Variants in MSH5 observed in about 807,000 individuals in gnomAD.
MSH5 encodes the protein mutS protein homolog 5.
A neutral mutation model predicts 107.7 loss-of-function variants in MSH5; 78 were observed. That is an observed-to-expected ratio of 0.72 (90% CI 0.60 to 0.87). MSH5 has a LOEUF of 0.87. Among genes scored for constraint, MSH5 ranks in the 40% least tolerant of loss-of-function variants. MSH5 has a pLI of 0.00. For missense variants in MSH5, 889 were observed against 1,046.6 expected (o/e 0.85, Z 2.08); for synonymous variants, 326 against 399.5 (o/e 0.82, Z 2.19).
At chr6:31,754,757 T>C (rs1160972728) in intron 12 of MSH5, among the ~76,000 whole-genome samples, 3 of 149,574 alleles carry the variant, frequency 2.0e-5, no homozygotes, top group South Asian at 2.1e-4. Context: ...TTTTTTCTTT[T>C]TTTTTTTTTT....
In MSH5 at chr6:31,762,596, C is replaced by G. The variant is rs1440395815; in HGVS notation, c.*65C>G. 1 of 954,920 alleles carries G rather than the reference C, an allele frequency of 1.0e-6. No homozygotes were observed. 59.2% of individuals were successfully genotyped at this position (954,920 alleles called of 1,614,324 possible). ...GTGGGCTGCCATGCCCTCTTTGTTTCCTTATCTCCCTCAGACGCAGAGTTT... is the reference window on the plus strand; with the variant it reads ...GTGGGCTGCCATGCCCTCTTTGTTTGCTTATCTCCCTCAGACGCAGAGTTT... On this transcript the variant is annotated 3_prime_UTR_variant, in exon 25 of 25. Coordinates refer to ENST00000375750, the MANE Select transcript of MSH5 (RefSeq NM_172166.4).
intron 5 of MSH5, 112 bp from the exon 6 acceptor site, chr6:31,743,792 T>G: frequency 6.8e-7 from 1 of 1,470,714 alleles, no homozygotes; most frequent in African/African-American, 1.4e-5. Flanking sequence ...TAACTGCCTG[T>G]GTGAGCTTGG....
chr6:31,740,256 G>T lies in MSH5; in HGVS notation c.-14+194G>T. On this transcript the variant is annotated intron_variant, in intron 1 of 24. Coordinates refer to ENST00000375750, the MANE Select transcript of MSH5 (RefSeq NM_172166.4). This position sits in a 1 kb window ranked among gnomAD's most constrained non-coding sequence, Gnocchi z 4.4. ...CGTGACAGGAATGAGGGTGGGGCGC[G>T]TGGAGTTTCCCACAATCTGTACTTT... 1 of 520,224 alleles carries T rather than the reference G, an allele frequency of 1.9e-6. No individual in the cohort carries two copies. The allele number at this position is 520,224 out of a possible 1,614,324, so 32.2% of individuals were successfully genotyped here.
chr6:31,758,500 A>G lies in MSH5; in HGVS notation c.1144-48A>G. 2 of 1,602,848 alleles carry G rather than the reference A, an allele frequency of 1.2e-6. No individual in the cohort carries two copies. The highest frequency in any genetic ancestry group is 1.7e-6 in the Non-Finnish European group (2 of 1,170,966). ...ATTGGGGCCCAAGGAGAGCTGAGGA[A>G]CAGGACAGAGGGTGCCAGGTCCTAA... On this transcript the variant is annotated intron_variant, in intron 13 of 24. Transcript: ENST00000375750. The surrounding 1 kb of genome is among the most constrained non-coding windows in gnomAD (Gnocchi z 5.1).
intron 10 of MSH5, among the ~76,000 whole-genome samples, chr6:31,750,190 G>A (rs1809822643): frequency 6.6e-6 from 1 of 152,170 alleles, no homozygotes; most frequent in South Asian, 2.1e-4. Flanking sequence ...ATGAACTAAG[G>A]ACAGGTGACA....
rs28381347 is a variant in MSH5, at chr6:31,740,972, G to GA, written c.148-181dup. Reference sequence around the variant, plus strand: ...CAAGACTCCGTCTCAAAGAAAGAAAGAAAAAAAAAACAGGGTTGGGAAGAG... The same window carrying GA: ...CAAGACTCCGTCTCAAAGAAAGAAAGAAAAAAAAAAACAGGGTTGGGAAGAG... On this transcript the variant is annotated intron_variant, in intron 2 of 24. Transcript: ENST00000375750. This position sits in a 1 kb window ranked among gnomAD's most constrained non-coding sequence, Gnocchi z 4.4. Among the ~76,000 whole-genome samples, 27 of 145,088 alleles carry GA rather than the reference G, an allele frequency of 1.9e-4. No individual in the cohort carries two copies. The highest frequency in any genetic ancestry group is 2.8e-4 in the African/African-American group (11 of 39,674).
Position 31,760,953 on chromosome 6 carries a change from G to T in MSH5, c.1962+114G>T, listed in dbSNP as rs563249151. On this transcript the variant is annotated intron_variant, in intron 20 of 24. Transcript: ENST00000375750. This position sits in a 1 kb window ranked among gnomAD's most constrained non-coding sequence, Gnocchi z 5.6. ...CTGCTGCATGCCCTTTATACTAAAA[G>T]TGGGGAGCACTAAGGTCAGAGATAA... 7.8e-7 allele frequency: 1 copy of T among 1,276,352 alleles called. No homozygotes were observed. Among genetic ancestry groups the T allele is most frequent in the South Asian group, 1.5e-5 (1 of 67,774 alleles). The allele number at this position is 1,276,352 out of a possible 1,614,324, so 79.1% of individuals were successfully genotyped here. A position where few individuals can be genotyped will look rare whatever the true frequency, so the allele number is the denominator to read the frequency against.
intron 5 of MSH5, 51 bp downstream of exon 5, chr6:31,743,221 T>C (rs1430558199): frequency 1.9e-6 from 3 of 1,577,802 alleles, no homozygotes; most frequent in Non-Finnish European, 2.6e-6. Flanking sequence ...TGTCCCATTC[T>C]TTCCCCCAAC....
rs2151329119 is a variant in MSH5 at position 31,740,434 on chromosome 6, C to T, written c.-13-20C>T. ...TGTGAATCGTTGCTTCCGAACCGCC[C>T]TCACTTTTTGCATCCGCAGAGCCTC... is the stretch of plus-strand genomic sequence containing the variant. On this transcript the variant is annotated intron_variant, in intron 1 of 24. Transcript: ENST00000375750. This position sits in a 1 kb window ranked among gnomAD's most constrained non-coding sequence, Gnocchi z 4.4. 6.5e-7 allele frequency: 1 copy of T among 1,546,364 alleles called. No individual in the cohort carries two copies. Among genetic ancestry groups the T allele is most frequent in the East Asian group, 2.5e-5 (1 of 40,390 alleles).
rs1272706874 is a variant in MSH5 at position 31,741,368 on chromosome 6, CACACACACACACACAT to C, written c.271+84_271+99del. ...ACACACACACACACACACACACACA[CACACACACACACACAT>C]ATTTTTTTTTTCTAGACAGAGTCTT... On this transcript the variant is annotated intron_variant, in intron 3 of 24. Coordinates refer to ENST00000375750, the MANE Select transcript of MSH5 (RefSeq NM_172166.4). 1,007 of 1,151,200 alleles carry C rather than the reference CACACACACACACACAT, an allele frequency of 8.7e-4. 7 individuals are homozygous for C. Among genetic ancestry groups the C allele is most frequent in the Middle Eastern group, 2.8e-3 (10 of 3,514 alleles). 71.3% of individuals were successfully genotyped at this position (1,151,200 alleles called of 1,614,324 possible).
rs983738234 is a variant in MSH5 at position 31,753,645 on chromosome 6, T to C, written c.1014+16T>C. Reference sequence around the variant, plus strand: ...TCTCTACAAGGTAAGGCCTTCCTTCTTGAATCCCAAAAGTCCAGGTAAAGG... The same window carrying C: ...TCTCTACAAGGTAAGGCCTTCCTTCCTGAATCCCAAAAGTCCAGGTAAAGG... On this transcript the variant is annotated intron_variant, in intron 12 of 24. Coordinates refer to ENST00000375750, the MANE Select transcript of MSH5 (RefSeq NM_172166.4). 1 of 1,613,798 alleles carries C rather than the reference T, an allele frequency of 6.2e-7. No individual in the cohort carries two copies. The highest frequency in any genetic ancestry group is 8.5e-7 in the Non-Finnish European group (1 of 1,179,722).
chr6:31,759,621 C>T lies in MSH5; in HGVS notation c.1495+109C>T. The T allele has an allele frequency of 7.4e-7, 1 of 1,357,656 alleles. No individual in the cohort carries two copies. The highest frequency in any genetic ancestry group is 1.9e-5 in the Admixed American group (1 of 53,232). 84.1% of individuals were successfully genotyped at this position (1,357,656 alleles called of 1,614,324 possible). Reference sequence around the variant, plus strand: ...GGGATGCTTCCAACAGGCCCCTCCTCTTCCTGCTCTCTGTCTCGCTCACTC... The same window carrying T: ...GGGATGCTTCCAACAGGCCCCTCCTTTTCCTGCTCTCTGTCTCGCTCACTC... On this transcript the variant is annotated intron_variant, in intron 17 of 24. Transcript: ENST00000375750. The surrounding 1 kb of genome is among the most constrained non-coding windows in gnomAD (Gnocchi z 4.7).
chr6:31,744,513 A>T, intron 7 of MSH5, 33 bp from the exon 8 acceptor site: 1 of 1,613,304 alleles, frequency 6.2e-7, no homozygotes, highest in Non-Finnish European at 8.5e-7. Flanking sequence ...ACGAACTCAG[A>T]CTGCTTCCTG....
In MSH5 at chr6:31,760,095, C is replaced by G; in HGVS notation, c.1691C>G (p.Pro564Arg). Residue 564 changes from proline to arginine, a missense_variant, in exon 19 of 25, where the codon CCT becomes CGT. By Grantham distance (103) the Pro-to-Arg change is moderately radical (BLOSUM62 -2). Transcript: ENST00000375750. This position sits in a 1 kb window ranked among gnomAD's most constrained non-coding sequence, Gnocchi z 5.6. ...TGCCTCTCCGCCCACTGCAGACATC[C>G]TCTGATGGAACTCTGTGCCCGAACC... Reference protein sequence around the residue: ...LGVRIQNGRHPLMELCARTFV... With the variant: ...LGVRIQNGRHRLMELCARTFV... The G allele has an allele frequency of 6.2e-7, 1 of 1,602,246 alleles. No homozygotes were observed. Among genetic ancestry groups the G allele is most frequent in the Non-Finnish European group, 8.5e-7 (1 of 1,173,522 alleles).
rs905802073 is a variant in MSH5 at position 31,760,394 on chromosome 6, G to T, written c.1812+178G>T. ...TCACATGTTCTTATTCTCCACTGGA[G>T]AGCCATGCTCTAATGGAACTTTCCG... On this transcript the variant is annotated intron_variant, in intron 19 of 24. Transcript: ENST00000375750. The surrounding 1 kb of genome is among the most constrained non-coding windows in gnomAD (Gnocchi z 5.6). Among the ~76,000 whole-genome samples, 1 of 152,178 alleles carries T rather than the reference G, an allele frequency of 6.6e-6. No individual in the cohort carries two copies. Among genetic ancestry groups the T allele is most frequent in the Non-Finnish European group, 1.5e-5 (1 of 68,044 alleles).
chr6:31,758,981 AACATGAAC>A lies in MSH5; in HGVS notation c.1326+109_1327-106del. On this transcript the variant is annotated intron_variant, in intron 15 of 24. Transcript: ENST00000375750. This position sits in a 1 kb window ranked among gnomAD's most constrained non-coding sequence, Gnocchi z 5.1. Reference sequence around the variant, plus strand: ...AGAAAACTTGTGGGGCAGCCTGAAGAACATGAACACTTTTTTGTGGGGATACAGGGATC... The same window carrying A: ...AGAAAACTTGTGGGGCAGCCTGAAGAACTTTTTTGTGGGGATACAGGGATC... 1 of 1,409,294 alleles carries A rather than the reference AACATGAAC, an allele frequency of 7.1e-7. No individual in the cohort carries two copies. 87.3% of individuals were successfully genotyped at this position (1,409,294 alleles called of 1,614,324 possible).
At chr6:31,746,884 G>A (rs890824772) in intron 9 of MSH5, among the ~76,000 whole-genome samples, 23 of 152,190 alleles carry the variant, frequency 1.5e-4, no homozygotes, top group African/African-American at 5.1e-4. Context: ...GTGCAGTGGC[G>A]CGATCTCCGC....
At chr6:31,744,125 C>T (rs1451973629) in intron 6 of MSH5, 65 bp from the exon 7 acceptor site, 3 of 1,593,352 alleles carry the variant, frequency 1.9e-6, no homozygotes, top group Non-Finnish European at 2.6e-6. Flanking sequence ...GTAACTTTCC[C>T]TGGTGCTCTG....
chr6:31,745,765 G>GTTTT (rs9279404), intron 9 of MSH5, among the ~76,000 whole-genome samples: 3 of 120,970 alleles, frequency 2.5e-5, no homozygotes, highest in African/African-American at 3.5e-5. Flanking sequence ...TTGTGTCCAG[G>GTTTT]TTTTTTTTTT....
Sources: allele counts gnomAD v4.1 joint callset (sites outside exome capture counted in the v4.1 genomes callset), GRCh38; gene constraint gnomAD v4.1.1; non-coding constraint Gnocchi (gnomAD v3.1); transcripts MANE v1.5; gene names NCBI Gene and HGNC (gene_info 2026-07-23, HGNC 2026-07-21).